The following ANKRD36 variants were observed in gnomAD, a reference collection of about 807,000 sequenced individuals.
ANKRD36 encodes ankyrin repeat domain 36.
Under a neutral mutation model 278.1 loss-of-function variants are expected in ANKRD36, and 179 were observed. That is an observed-to-expected ratio of 0.64 (90% CI 0.57 to 0.73). ANKRD36 has a LOEUF of 0.73. Ranked by LOEUF, ANKRD36 falls within the 30% of genes least tolerant of loss-of-function variation. ANKRD36 has a pLI of 0.00. For missense variants in ANKRD36, 1,159 were observed against 1,956.7 expected, an observed-to-expected ratio of 0.59 and a Z score of 7.69; for synonymous variants, 320 against 641.1, an observed-to-expected ratio of 0.50 and a Z score of 7.57.
chr2:97,178,694 G>T (rs1575404366), intron 22 of ANKRD36, among the ~76,000 whole-genome samples: 1 of 112,962 alleles, frequency 8.9e-6, no homozygotes, highest in Admixed American at 1.1e-4. Flanking sequence ...GGGGGGAGGG[G>T]AGAGGGATAG....
chr2:97,189,086 G>T lies in ANKRD36; in HGVS notation c.2144-1G>T, dbSNP rs1360657421. The stretch of plus-strand genomic sequence containing the variant: ...GATTATGTATCCCTTTTGCTTTTCA[G>T]TGTCTTCTCAGAAGCAACCAGCCTT... On this transcript the variant is annotated splice_acceptor_variant, in intron 32 of 75. Coordinates refer to ENST00000420699, the MANE Select transcript of ANKRD36 (RefSeq NM_001354587.1). LOFTEE classifies it high-confidence loss of function. The T allele has an allele frequency of 2.6e-6, 2 of 756,288 alleles. No individual in the cohort carries two copies. Among genetic ancestry groups the T allele is most frequent in the African/African-American group, 2.8e-5 (2 of 70,298 alleles). The allele number at this position is 756,288 out of a possible 1,614,324, so 46.8% of individuals were successfully genotyped here.
At chr2:97,207,434 C>T (rs13009968) in intron 52 of ANKRD36, among the ~76,000 whole-genome samples, 30 of 151,552 alleles carry the variant, frequency 2.0e-4, no homozygotes, top group East Asian at 5.9e-4. Context: ...TTATTTCCTG[C>T]ATGAAAGACA....
At chr2:97,171,702 TAA>T (rs549491630) in intron 22 of ANKRD36, among the ~76,000 whole-genome samples, 2 of 111,794 alleles carry the variant, frequency 1.8e-5, no homozygotes, top group Admixed American at 8.8e-5. Flanking sequence ...AAAGTATAAT[TAA>T]AAAAAAAAAG....
At chr2:97,197,872 A>G (rs1369439424) in intron 42 of ANKRD36, among the ~76,000 whole-genome samples, 1 of 151,866 alleles carries the variant, frequency 6.6e-6, no homozygotes, top group African/African-American at 2.4e-5. Context: ...GCAGATTATT[A>G]CTCCATATCG....
At position 97,204,111 on chromosome 2, in the gene ANKRD36, G is replaced by A. The variant is rs200644790; in HGVS notation, c.2988+15G>A. 7.7e-4 allele frequency: 1,219 copies of A among 1,574,568 alleles called. 8 individuals carry two copies. Among genetic ancestry groups the A allele is most frequent in the Admixed American group, 1.2e-3 (65 of 53,810 alleles). ...CAGGCTTGAAGGTAATGAAACTGTC[G>A]TTTATATTGTGAACTAGTAAATGTA... On this transcript the variant is annotated intron_variant, in intron 49 of 75. Coordinates refer to ENST00000420699, the MANE Select transcript of ANKRD36 (RefSeq NM_001354587.1).
Position 97,166,996 on chromosome 2 carries a change from T to C in ANKRD36, c.1532-581T>C, listed in dbSNP as rs1307875536. On this transcript the variant is annotated intron_variant, in intron 20 of 75. Coordinates refer to ENST00000420699, the MANE Select transcript of ANKRD36 (RefSeq NM_001354587.1). ...TGATTAACATGAAAAAAGCCTCTGA[T>C]GTTTCAAATATTTTGGTTAGATTTG... 1.3e-5 allele frequency among the ~76,000 whole-genome samples: 2 copies of C among 151,514 alleles called. 1 individual carries two copies. The highest frequency in any genetic ancestry group is 4.2e-4 in the South Asian group (2 of 4,788).
chr2:97,210,337 G>A (rs2064097786), intron 56 of ANKRD36, among the ~76,000 whole-genome samples: 1 of 151,824 alleles, frequency 6.6e-6, no homozygotes, highest in Admixed American at 6.6e-5. Context: ...GGATTGTGAG[G>A]CAGGAAGGCG....
chr2:97,216,432 C>T lies in ANKRD36; in HGVS notation c.3674-745C>T, dbSNP rs538601516. Among the ~76,000 whole-genome samples, 29 of 152,132 alleles carry T rather than the reference C, an allele frequency of 1.9e-4. 1 individual carries two copies. Among genetic ancestry groups the T allele is most frequent in the African/African-American group, 2.6e-4 (11 of 41,546 alleles). On this transcript the variant is annotated intron_variant, in intron 62 of 75. Coordinates refer to ENST00000420699, the MANE Select transcript of ANKRD36 (RefSeq NM_001354587.1). ...GAATGTAAAACATATTAATATCTAA[C>T]GCTTGTAGCAGTTTTACTTTGTAGA...
At chr2:97,184,937 T>C (rs79736542) in intron 28 of ANKRD36, among the ~76,000 whole-genome samples, 1 of 151,868 alleles carries the variant, frequency 6.6e-6, no homozygotes, top group Admixed American at 6.6e-5. Context: ...ATCCTTTTGA[T>C]ACCTTGCATG....
At chr2:97,197,884 G>C (rs1174033686) in intron 42 of ANKRD36, among the ~76,000 whole-genome samples, 1 of 151,842 alleles carries the variant, frequency 6.6e-6, no homozygotes, top group Non-Finnish European at 1.5e-5. Context: ...TCCATATCGG[G>C]GTGAGAGATA....
chr2:97,167,056 G>T (rs1047075158), intron 20 of ANKRD36, among the ~76,000 whole-genome samples: 1 of 151,846 alleles, frequency 6.6e-6, no homozygotes, highest in African/African-American at 2.4e-5. Context: ...TAGGTATTTG[G>T]AGTGTAATGT....
chr2:97,205,441 G>T (rs1438548249), intron 50 of ANKRD36, among the ~76,000 whole-genome samples: 1 of 151,544 alleles, frequency 6.6e-6, no homozygotes, highest in East Asian at 1.9e-4. Flanking sequence ...CCACTGAAGA[G>T]ATGTGAAGTG....
intron 6 of ANKRD36, among the ~76,000 whole-genome samples, chr2:97,128,335 A>G (rs2443915): frequency 2.7e-4 from 41 of 152,116 alleles, no homozygotes; most frequent in Admixed American, 2.2e-3. Flanking sequence ...AAGAGTTGGT[A>G]AAGGAGAATG....
rs2924037 is a variant in ANKRD36, at chr2:97,186,647, A to C, written c.2042-551A>C. On this transcript the variant is annotated intron_variant, in intron 30 of 75. Coordinates refer to ENST00000420699, the MANE Select transcript of ANKRD36 (RefSeq NM_001354587.1). ...ATAATGAATATTATTTACTCGGATTAAGGAAACATATATCCAAGCTGATCA... is the reference window on the plus strand; with the variant it reads ...ATAATGAATATTATTTACTCGGATTCAGGAAACATATATCCAAGCTGATCA... 6.8e-3 allele frequency among the ~76,000 whole-genome samples: 1,037 copies of C among 151,694 alleles called. 50 individuals are homozygous for C. The East Asian group carries it at 0.11, about 16-fold the overall frequency.
rs750925658 is a variant in ANKRD36, at chr2:97,202,314, C to T, written c.2887-7C>T. ...TTATTTATTATTTCGTTTTAAATTCCATTCAGGGTACAAGTGACGAGGAAG... is the reference window on the plus strand; with the variant it reads ...TTATTTATTATTTCGTTTTAAATTCTATTCAGGGTACAAGTGACGAGGAAG... On this transcript the variant is annotated splice_region_variant and splice_polypyrimidine_tract_variant and intron_variant, in intron 47 of 75. Transcript: ENST00000420699. 1 of 1,581,790 alleles carries T rather than the reference C, an allele frequency of 6.3e-7. No homozygotes were observed. The highest frequency in any genetic ancestry group is 8.6e-7 in the Non-Finnish European group (1 of 1,168,318).
chr2:97,231,340 A>C (rs1184702037), intron 67 of ANKRD36, among the ~76,000 whole-genome samples: 1 of 152,174 alleles, frequency 6.6e-6, no homozygotes, highest in Non-Finnish European at 1.5e-5. Flanking sequence ...GGGCAATGGC[A>C]GGTGCCCCTC....
intron 44 of ANKRD36, among the ~76,000 whole-genome samples, chr2:97,199,118 G>T (rs2060593033): frequency 6.6e-6 from 1 of 151,922 alleles, no homozygotes. Flanking sequence ...AAGATGGATT[G>T]TGAGACAGGA....
At chr2:97,215,735 G>A (rs914439485) in intron 62 of ANKRD36, 61 of 1,190,452 alleles carry the variant, frequency 5.1e-5, no homozygotes, top group African/African-American at 1.9e-4. Context: ...ATAGGAGAGC[G>A]GTTCAGCACA....
At chr2:97,197,031 A>C (rs1380205768) in intron 42 of ANKRD36, among the ~76,000 whole-genome samples, 28 of 151,906 alleles carry the variant, frequency 1.8e-4, no homozygotes, top group Non-Finnish European at 3.1e-4. Flanking sequence ...GAGCAGTTGA[A>C]GACATAAGGG....
Sources: gnomAD v4.1 joint callset for allele counts (sites outside exome capture counted in the v4.1 genomes callset) on GRCh38, gnomAD v4.1.1 for gene constraint, MANE v1.5 for transcripts, NCBI Gene and HGNC (gene_info 2026-07-23, HGNC 2026-07-21) for gene names.